ADAM32: variants seen among roughly 807,000 people sequenced by gnomAD.
ADAM32 encodes the protein ADAM metallopeptidase domain 32, also known as disintegrin and metalloproteinase domain-containing protein 32.
In ADAM32, 89 loss-of-function variants were observed where a neutral mutation model predicts 114.9. The observed-to-expected ratio is 0.77, with a 90% CI of 0.65 to 0.92. The LOEUF (loss-of-function observed/expected upper bound fraction) is 0.92. ADAM32 is among the 40% of genes least tolerant of loss of function. The pLI is 0.00. For synonymous variants in ADAM32, 285 were observed against 307.5 expected (o/e 0.93, Z 0.77); for missense variants, 870 against 932.8 (o/e 0.93, Z 0.88).
At chr8:39,118,368 G>T (rs532942798) in intron 2 of ADAM32, among the ~76,000 whole-genome samples, 1 of 151,770 alleles carries the variant, frequency 6.6e-6, no homozygotes, top group African/African-American at 2.4e-5. Flanking sequence ...ATTTTCTTAT[G>T]GTAAATTATT....
intron 2 of ADAM32, among the ~76,000 whole-genome samples, chr8:39,129,113 G>A (rs867021248): frequency 7.7e-5 from 9 of 117,646 alleles, no homozygotes; most frequent in East Asian, 2.6e-4. Flanking sequence ...ATTGGTTCTC[G>A]TTTTTTTTTG....
In ADAM32 at chr8:39,136,691, AACTGTAC is replaced by A. The variant is rs750787736; in HGVS notation, c.179_185del (p.Tyr60CysfsTer9). 1 of 1,545,876 alleles carries A rather than the reference AACTGTAC, an allele frequency of 6.5e-7. No homozygotes were observed. The highest frequency in any genetic ancestry group is 1.2e-5 in the South Asian group (1 of 80,418). ...TCCTATATTATTCCAATAGATGAGA[AACTGTAC>A]ACTGTGCACCTTAAACAAAGGTAAA... On this transcript the variant is annotated frameshift_variant, in exon 3 of 25. Coordinates refer to ENST00000379907, the MANE Select transcript of ADAM32 (RefSeq NM_145004.7). LOFTEE classifies it high-confidence loss of function.
intron 10 of ADAM32, among the ~76,000 whole-genome samples, chr8:39,178,385 TA>T (rs1805649383): frequency 6.6e-6 from 1 of 152,256 alleles, no homozygotes; most frequent in Non-Finnish European, 1.5e-5. Context: ...TGATCCTTTA[TA>T]AACTGGCTAT....
rs1472803470 is a variant in ADAM32, at chr8:39,254,477, C to T, written c.1966C>T (p.Arg656Cys). The T allele has an allele frequency of 9.4e-6, 15 of 1,597,646 alleles. No homozygotes were observed. The East Asian group carries it at 1.1e-4, about 12-fold the overall frequency. The part of the protein sequence containing the change: ...PGYKPPNCQI[R>C]SKGFSIFPEE... ...CTATAAGCCTCCAAACTGCCAAATA[C>T]GTTCCAAAGGATTTTCCATATTTCC... The change falls in exon 18 of 25, where the codon CGT becomes TGT. Residue 656 changes from arginine to cysteine, a missense_variant. By Grantham distance (180) the Arg-to-Cys change is radical (BLOSUM62 -3). Coordinates refer to ENST00000379907, the MANE Select transcript of ADAM32 (RefSeq NM_145004.7).
intron 19 of ADAM32, among the ~76,000 whole-genome samples, chr8:39,260,693 G>A (rs1411924253): frequency 2.6e-5 from 4 of 151,948 alleles, no homozygotes; most frequent in Non-Finnish European, 5.9e-5. Flanking sequence ...ATTAATCAAG[G>A]ATATTGGCCT....
At chr8:39,245,440 A>C (rs1404423650) in intron 16 of ADAM32, among the ~76,000 whole-genome samples, 4 of 152,184 alleles carry the variant, frequency 2.6e-5, no homozygotes, top group Admixed American at 2.0e-4. Context: ...CCTGTTCCCC[A>C]AAATCTATTG....
intron 11 of ADAM32, among the ~76,000 whole-genome samples, chr8:39,203,699 G>A (rs553673900): frequency 6.6e-5 from 10 of 152,280 alleles, no homozygotes; most frequent in South Asian, 6.2e-4. Flanking sequence ...TATTTTGCTC[G>A]TTAGTTGATG....
At chr8:39,173,447 G>GT (rs1805316520) in intron 10 of ADAM32, among the ~76,000 whole-genome samples, 2 of 149,104 alleles carry the variant, frequency 1.3e-5, no homozygotes, top group South Asian at 4.3e-4. Context: ...TTTTTTTCAT[G>GT]TTTTTTGCCC....
chr8:39,174,695 G>GTT (rs77543980), intron 10 of ADAM32, among the ~76,000 whole-genome samples: 5 of 136,416 alleles, frequency 3.7e-5, no homozygotes, highest in Non-Finnish European at 3.1e-5. Flanking sequence ...GAGTGTGATA[G>GTT]TTTTTTTTTC....
At chr8:39,232,988 G>T (rs568002832) in intron 15 of ADAM32, among the ~76,000 whole-genome samples, 4 of 152,070 alleles carry the variant, frequency 2.6e-5, no homozygotes, top group African/African-American at 9.6e-5. Context: ...CCTTCTATGG[G>T]GTGATATAAA....
chr8:39,220,831 C>T (rs1017477811), intron 12 of ADAM32: 1 of 151,896 alleles, frequency 6.6e-6, no homozygotes, highest in Admixed American at 6.6e-5. Context: ...TTTAGCTTAG[C>T]ATATGGTCTA....
intron 14 of ADAM32, among the ~76,000 whole-genome samples, chr8:39,226,414 T>G (rs1240478905): frequency 6.6e-6 from 1 of 152,062 alleles, no homozygotes; most frequent in Non-Finnish European, 1.5e-5. Flanking sequence ...TCAGGTTTAA[T>G]CCAAAGAAGA....
At chr8:39,138,015 G>A (rs375017563) in intron 3 of ADAM32, among the ~76,000 whole-genome samples, 149 of 152,084 alleles carry the variant, frequency 9.8e-4, no homozygotes, top group African/African-American at 3.4e-3. Context: ...GAGGGATAGG[G>A]CATGTGTATA....
intron 12 of ADAM32, among the ~76,000 whole-genome samples, chr8:39,220,588 A>G (rs1808891777): frequency 6.6e-6 from 1 of 151,876 alleles, no homozygotes; most frequent in African/African-American, 2.4e-5. Flanking sequence ...CTTTTGCTGT[A>G]TCTCATAGGT....
intron 7 of ADAM32, among the ~76,000 whole-genome samples, chr8:39,163,995 C>T (rs114437195): frequency 6.6e-6 from 1 of 152,118 alleles, no homozygotes; most frequent in Admixed American, 6.5e-5. Flanking sequence ...TATACATACA[C>T]ACACACTCAT....
At chr8:39,239,371 G>A (rs1810403881) in intron 16 of ADAM32, among the ~76,000 whole-genome samples, 1 of 152,144 alleles carries the variant, frequency 6.6e-6, no homozygotes, top group Admixed American at 6.5e-5. Context: ...AACAAAAGCT[G>A]AGAAAATTTG....
rs183815877 is a variant in ADAM32, at chr8:39,272,090, A to G, written c.2201+1176A>G. Among the ~76,000 whole-genome samples, 658 of 124,202 alleles carry G rather than the reference A, an allele frequency of 5.3e-3. 9 individuals carry two copies. Among genetic ancestry groups the G allele is most frequent in the African/African-American group, 0.019 (624 of 32,974 alleles). 81.5% of individuals were successfully genotyped at this position (124,202 alleles called of 152,430 possible). On this transcript the variant is annotated intron_variant, in intron 20 of 24. Transcript: ENST00000379907. Reference sequence around the variant, plus strand: ...AAGACTGCAGTGAGCCATGATCGCCAGTGAGCTCCAGAAAAAAAAAAAAAA... The same window carrying G: ...AAGACTGCAGTGAGCCATGATCGCCGGTGAGCTCCAGAAAAAAAAAAAAAA...
chr8:39,160,476 C>T (rs372579268), intron 6 of ADAM32, among the ~76,000 whole-genome samples: 98 of 128,632 alleles, frequency 7.6e-4, no homozygotes, highest in African/African-American at 2.7e-3. Flanking sequence ...GGAGGCGGAG[C>T]TTGCAGTGAG....
chr8:39,149,899 T>A (rs1803719236), intron 5 of ADAM32, 32 bp downstream of exon 5: 1 of 1,537,720 alleles, frequency 6.5e-7, no homozygotes, highest in Non-Finnish European at 8.9e-7. Context: ...CAGAACACCT[T>A]AGTTATGATA....
Sources: allele counts gnomAD v4.1 joint callset (sites outside exome capture counted in the v4.1 genomes callset), GRCh38; gene constraint gnomAD v4.1.1; transcripts MANE v1.5; gene names NCBI Gene and HGNC (gene_info 2026-07-23, HGNC 2026-07-21).